Variants in PPP2CB observed in about 807,000 individuals in gnomAD.
The protein encoded by PPP2CB is protein phosphatase 2 catalytic subunit beta, also known as serine/threonine-protein phosphatase 2A catalytic subunit beta isoform.
Under a neutral mutation model 39.1 loss-of-function variants are expected in PPP2CB, and 18 were observed. The observed-to-expected ratio is 0.46, with a 90% CI of 0.32 to 0.68. The LOEUF (loss-of-function observed/expected upper bound fraction) is 0.68. Ranked by LOEUF, PPP2CB falls within the 30% of genes least tolerant of loss-of-function variation. The pLI, the probability that PPP2CB is intolerant of heterozygous loss-of-function variation, is 0.04. For synonymous variants in PPP2CB, 129 were observed against 133.8 expected (o/e 0.96, Z 0.25); for missense variants, 226 against 396.9 (o/e 0.57, Z 3.66).
chr8:30,786,331 A>T, intron 6 of PPP2CB, 24 bp from the exon 7 acceptor site: 3 of 1,540,382 alleles, frequency 1.9e-6, no homozygotes, highest in Non-Finnish European at 2.6e-6. Flanking sequence ...AAAAGGAAGC[A>T]AATAAAGGAT....
chr8:30,797,494 G>A, intron 3 of PPP2CB, 87 bp downstream of exon 3: 1 of 1,302,256 alleles, frequency 7.7e-7, no homozygotes, highest in Non-Finnish European at 1.1e-6. Flanking sequence ...AGAAACACAG[G>A]TCATATGAAT....
At chr8:30,793,823 T>C (rs975807186) in intron 5 of PPP2CB, 94 bp downstream of exon 5, 63 of 1,345,982 alleles carry the variant, frequency 4.7e-5, no homozygotes, top group Non-Finnish European at 5.6e-5. Context: ...AGGTAATAAA[T>C]GGTGAGGAAT....
At chr8:30,796,401 G>A (rs960379855) in intron 3 of PPP2CB, among the ~76,000 whole-genome samples, 1 of 152,006 alleles carries the variant, frequency 6.6e-6, no homozygotes, top group African/African-American at 2.4e-5. Context: ...TATTTTTTGA[G>A]ATGGAGTCTC....
intron 1 of PPP2CB, 61 bp downstream of exon 1, chr8:30,812,259 C>A (rs575407219): frequency 7.7e-6 from 10 of 1,294,596 alleles, no homozygotes; most frequent in Non-Finnish European, 1.0e-5. Flanking sequence ...CCGGGGCGGG[C>A]AGGAAAGCGG....
At chr8:30,786,409 C>G in intron 6 of PPP2CB, 102 bp from the exon 7 acceptor site, 1 of 913,654 alleles carries the variant, frequency 1.1e-6, no homozygotes, top group Non-Finnish European at 1.7e-6. Flanking sequence ...GTCCTGCTTT[C>G]CCACCATGAC....
Position 30,785,905 on chromosome 8 carries a change from A to G in PPP2CB, c.*330T>C, listed in dbSNP as rs574785077. On this transcript the variant is annotated 3_prime_UTR_variant, in exon 7 of 7. Coordinates refer to ENST00000221138, the MANE Select transcript of PPP2CB (RefSeq NM_001009552.2). Reference sequence around the variant, plus strand: ...TATTAATCCATGCCAGTTAAACACTATAACTAAAATTTCCAAATAAGCGCA... The same window carrying G: ...TATTAATCCATGCCAGTTAAACACTGTAACTAAAATTTCCAAATAAGCGCA... 9 of 472,324 alleles carry G rather than the reference A, an allele frequency of 1.9e-5. No individual in the cohort carries two copies. The highest frequency in any genetic ancestry group is 3.2e-4 in the Middle Eastern group (1 of 3,132). 29.3% of individuals were successfully genotyped at this position (472,324 alleles called of 1,614,324 possible). A position where few individuals can be genotyped will look rare whatever the true frequency, so the allele number is the denominator to read the frequency against.
At chr8:30,789,363 T>C (rs1436389439) in intron 6 of PPP2CB, among the ~76,000 whole-genome samples, 3 of 152,202 alleles carry the variant, frequency 2.0e-5, no homozygotes, top group Non-Finnish European at 2.9e-5. Flanking sequence ...ACAGCCTGGC[T>C]ACTGAGGGGC....
intron 1 of PPP2CB, among the ~76,000 whole-genome samples, chr8:30,807,914 T>C (rs932150288): frequency 6.6e-6 from 1 of 152,240 alleles, no homozygotes; most frequent in Non-Finnish European, 1.5e-5. Context: ...AGACATGCCT[T>C]GCTATTTTAT....
intron 6 of PPP2CB, among the ~76,000 whole-genome samples, chr8:30,786,912 G>A (rs1001288889): frequency 5.9e-5 from 9 of 151,922 alleles, no homozygotes; most frequent in African/African-American, 1.9e-4. Flanking sequence ...TGATCCACCC[G>A]CTTCGGCCTC....
chr8:30,794,094 A>G lies in PPP2CB; in HGVS notation c.577-16T>C, dbSNP rs1171773999. The G allele has an allele frequency of 3.1e-6, 5 of 1,602,930 alleles. No individual in the cohort carries two copies. Among genetic ancestry groups the G allele is most frequent in the Admixed American group, 3.4e-5 (2 of 58,498 alleles). On this transcript the variant is annotated splice_polypyrimidine_tract_variant and intron_variant, in intron 4 of 6. Coordinates refer to ENST00000221138, the MANE Select transcript of PPP2CB (RefSeq NM_001009552.2). ...ACATTGGGCCCTGGCCAAGAAAAAT[A>G]AGTACATGTTACAAATTATTATCAG...
chr8:30,791,332 A>C lies in PPP2CB; in HGVS notation c.739-17T>G. ...ATTGTATCCCTGCAGGATAAAAACA[A>C]ATTCATTATTTCATTATAATATTAT... On this transcript the variant is annotated splice_polypyrimidine_tract_variant and intron_variant, in intron 5 of 6. Transcript: ENST00000221138. 6.6e-7 allele frequency: 1 copy of C among 1,506,514 alleles called. No homozygotes were observed. Among genetic ancestry groups the C allele is most frequent in the East Asian group, 2.3e-5 (1 of 44,082 alleles). The allele number at this position is 1,506,514 out of a possible 1,614,324, so 93.3% of individuals were successfully genotyped here.
At chr8:30,806,155 C>A (rs997024929) in intron 1 of PPP2CB, among the ~76,000 whole-genome samples, 2 of 151,628 alleles carry the variant, frequency 1.3e-5, no homozygotes, top group Admixed American at 1.3e-4. Flanking sequence ...TCACGCCATC[C>A]TCTTGCCTCA....
intron 1 of PPP2CB, among the ~76,000 whole-genome samples, chr8:30,802,788 C>T (rs935277901): frequency 6.6e-6 from 1 of 152,088 alleles, no homozygotes; most frequent in African/African-American, 2.4e-5. Flanking sequence ...TAAAAAGGAA[C>T]GAAGTCCAGA....
At position 30,799,727 on chromosome 8, in the gene PPP2CB, TTTGA is replaced by T; in HGVS notation, c.127_130del (p.Ser43MetfsTer44). The T allele has an allele frequency of 6.2e-7, 1 of 1,613,750 alleles. No individual in the cohort carries two copies. Among genetic ancestry groups the T allele is most frequent in the Non-Finnish European group, 8.5e-7 (1 of 1,179,850 alleles). On this transcript the variant is annotated frameshift_variant, in exon 2 of 7. Transcript: ENST00000221138. LOFTEE classifies it high-confidence loss of function. ...AACAGGGCAACGAACCTCTTGCACA[TTTGA>T]TTCTTTTGTTAAAATTTCCTTTGCC...
intron 6 of PPP2CB, among the ~76,000 whole-genome samples, chr8:30,786,662 CTTTT>C (rs35450368): frequency 1.6e-5 from 2 of 127,750 alleles, no homozygotes; most frequent in South Asian, 2.4e-4. Context: ...AATAATATCA[CTTTT>C]TTTTTTTTTT....
intron 2 of PPP2CB, among the ~76,000 whole-genome samples, chr8:30,797,979 C>A (rs1295209057): frequency 1.3e-5 from 2 of 152,156 alleles, no homozygotes; most frequent in African/African-American, 4.8e-5. Context: ...GTTTCGACAA[C>A]CCTCATCAGA....
chr8:30,795,119 ATTTTTT>A (rs893547625), intron 3 of PPP2CB, among the ~76,000 whole-genome samples: 3 of 127,498 alleles, frequency 2.4e-5, no homozygotes, highest in African/African-American at 8.7e-5. Flanking sequence ...TCTGATTTTG[ATTTTTT>A]TTTTTTTTTT....
intron 6 of PPP2CB, among the ~76,000 whole-genome samples, chr8:30,788,942 G>A (rs1030439704): frequency 1.3e-5 from 2 of 152,074 alleles, no homozygotes; most frequent in Non-Finnish European, 2.9e-5. Context: ...GACTGATCTT[G>A]TCTTTTTGGT....
intron 2 of PPP2CB, 104 bp from the exon 3 acceptor site, chr8:30,797,858 C>G: frequency 1.8e-6 from 2 of 1,092,324 alleles, no homozygotes; most frequent in Non-Finnish European, 2.6e-6. Context: ...CTTTTGGCCA[C>G]CAGTATATTA....
Sources: gnomAD v4.1 joint callset for allele counts (sites outside exome capture counted in the v4.1 genomes callset) on GRCh38, gnomAD v4.1.1 for gene constraint, MANE v1.5 for transcripts, NCBI Gene and HGNC (gene_info 2026-07-23, HGNC 2026-07-21) for gene names.